The following RAD51B variants were observed in gnomAD, a reference collection of about 807,000 sequenced individuals.
The protein encoded by RAD51B is RAD51 paralog B, also known as DNA repair protein RAD51 homolog 2.
RAD51B carries 38 observed loss-of-function variants against 42.2 expected under a neutral mutation model. That is an observed-to-expected ratio of 0.90 (90% CI 0.70 to 1.18). The LOEUF is 1.18. Ranked by LOEUF, RAD51B falls within the 50% of genes most tolerant of loss-of-function variation. The pLI is 0.00. For synonymous variants in RAD51B, 154 were observed against 145.2 expected (o/e 1.06, Z -0.43); for missense variants, 373 against 400.7 (o/e 0.93, Z 0.59).
intron 7 of RAD51B, among the ~76,000 whole-genome samples, chr14:68,161,713 G>A (rs981596634): frequency 6.6e-6 from 1 of 152,208 alleles, no homozygotes; most frequent in African/African-American, 2.4e-5. Flanking sequence ...CATAGCTAAT[G>A]AGTGATAGGA....
At chr14:68,087,412 A>T (rs1017491511) in intron 7 of RAD51B, among the ~76,000 whole-genome samples, 1 of 152,182 alleles carries the variant, frequency 6.6e-6, no homozygotes, top group African/African-American at 2.4e-5. Flanking sequence ...ATTAGCAAAG[A>T]TATCATTCCC....
At chr14:68,216,020 C>T (rs141483618) in intron 7 of RAD51B, among the ~76,000 whole-genome samples, 66 of 152,192 alleles carry the variant, frequency 4.3e-4, no homozygotes, top group Non-Finnish European at 4.4e-5. Flanking sequence ...CCAGGTACAC[C>T]TATTTTACTA....
intron 10 of RAD51B, among the ~76,000 whole-genome samples, chr14:68,507,333 T>C (rs1246603352): frequency 1.3e-5 from 2 of 152,186 alleles, no homozygotes; most frequent in African/African-American, 4.8e-5. Context: ...TTCTTTGAGC[T>C]TTACTTTGTG....
At chr14:67,927,566 CAT>C (rs1295431604) in intron 7 of RAD51B, among the ~76,000 whole-genome samples, 1 of 152,130 alleles carries the variant, frequency 6.6e-6, no homozygotes, top group East Asian at 1.9e-4. Flanking sequence ...TTAGCTCCCA[CAT>C]GTGAATGAGA....
At chr14:67,893,826 A>T (rs1431062753) in intron 7 of RAD51B, among the ~76,000 whole-genome samples, 3 of 152,140 alleles carry the variant, frequency 2.0e-5, no homozygotes, top group African/African-American at 7.2e-5. Context: ...TCTTCTATTT[A>T]GTCATCTGGT....
intron 7 of RAD51B, among the ~76,000 whole-genome samples, chr14:68,088,650 G>A (rs1442177052): frequency 7.1e-6 from 1 of 140,402 alleles, no homozygotes; most frequent in African/African-American, 2.6e-5. Flanking sequence ...GACAGAGAGA[G>A]AGAGGTGGGG....
chr14:68,248,970 G>C (rs1310461411), intron 7 of RAD51B, among the ~76,000 whole-genome samples: 1 of 152,258 alleles, frequency 6.6e-6, no homozygotes, highest in East Asian at 1.9e-4. Flanking sequence ...AGGCACCTGA[G>C]TCCTTGCCCG....
chr14:68,658,060 T>C (rs1892853371), intron 11 of RAD51B, among the ~76,000 whole-genome samples: 1 of 152,246 alleles, frequency 6.6e-6, no homozygotes, highest in Non-Finnish European at 1.5e-5. Context: ...GAGGTCTTCC[T>C]AAGATCTGGC....
At chr14:68,531,909 G>A (rs61985775) in intron 10 of RAD51B, among the ~76,000 whole-genome samples, 9,970 of 152,186 alleles carry the variant, frequency 0.066, 356 homozygotes, top group African/African-American at 0.09. Flanking sequence ...CTTGAGCCTG[G>A]GAGGTTGAAG....
At chr14:68,664,195 T>C (rs1339295256) in intron 11 of RAD51B, among the ~76,000 whole-genome samples, 1 of 152,186 alleles carries the variant, frequency 6.6e-6, no homozygotes, top group African/African-American at 2.4e-5. Context: ...GTCAACATAA[T>C]TTTTTAGCAA....
At chr14:68,045,305 A>G (rs945114863) in intron 7 of RAD51B, among the ~76,000 whole-genome samples, 2 of 151,662 alleles carry the variant, frequency 1.3e-5, no homozygotes, top group African/African-American at 4.8e-5. Context: ...TTGAGAGCAT[A>G]TCTTAGCTTT....
chr14:68,595,570 T>TC (rs1890958466), exon 11 of RAD51B: 1 of 1,066,528 alleles, frequency 9.4e-7, no homozygotes. Context: ...AAGGAAGGAC[T>TC]AAGTGACTTA....
chr14:68,226,876 A>G (rs2080049205), intron 7 of RAD51B, among the ~76,000 whole-genome samples: 1 of 152,186 alleles, frequency 6.6e-6, no homozygotes, highest in Admixed American at 6.5e-5. Context: ...TTTGATAATC[A>G]TGCTTTGATA....
chr14:68,434,210 A>G (rs1375375155), intron 9 of RAD51B, among the ~76,000 whole-genome samples: 1 of 152,314 alleles, frequency 6.6e-6, no homozygotes, highest in East Asian at 1.9e-4. Context: ...TTGAGGAGGC[A>G]GTCTGTCTGT....
intron 10 of RAD51B, among the ~76,000 whole-genome samples, chr14:68,635,016 T>G (rs1160065165): frequency 6.6e-6 from 1 of 152,196 alleles, no homozygotes; most frequent in Non-Finnish European, 1.5e-5. Context: ...AATAAGACTC[T>G]GGGAGCCTCC....
At chr14:68,220,380 A>G (rs1182259233) in intron 7 of RAD51B, among the ~76,000 whole-genome samples, 2 of 152,242 alleles carry the variant, frequency 1.3e-5, no homozygotes, top group Admixed American at 6.5e-5. Flanking sequence ...GATCACCTCA[A>G]GAGACACAGA....
chr14:68,630,896 T>C (rs1341472579), intron 10 of RAD51B, among the ~76,000 whole-genome samples: 1 of 152,230 alleles, frequency 6.6e-6, no homozygotes, highest in Non-Finnish European at 1.5e-5. Flanking sequence ...CTTTGGACTG[T>C]TCAGCAGTGT....
intron 10 of RAD51B, among the ~76,000 whole-genome samples, chr14:68,530,659 G>A (rs973549472): frequency 6.6e-6 from 1 of 151,868 alleles, no homozygotes; most frequent in Non-Finnish European, 1.5e-5. Context: ...AGCTAAACTA[G>A]CTTTCAAGAG....
At chr14:68,410,129 TAGC>T (rs2084378313) in intron 8 of RAD51B, among the ~76,000 whole-genome samples, 1 of 152,178 alleles carries the variant, frequency 6.6e-6, no homozygotes, top group African/African-American at 2.4e-5. Context: ...ATAAAATGGT[TAGC>T]AGCATCACCA....
Sources: gnomAD v4.1 joint callset for allele counts (sites outside exome capture counted in the v4.1 genomes callset) on GRCh38, gnomAD v4.1.1 for gene constraint, MANE v1.5 for transcripts, NCBI Gene and HGNC (gene_info 2026-07-23, HGNC 2026-07-21) for gene names.